Variants in MEF2D observed in about 807,000 individuals in gnomAD.
The protein encoded by MEF2D is myocyte enhancer factor 2D, also known as myocyte-specific enhancer factor 2D.
A neutral mutation model predicts 59.3 loss-of-function variants in MEF2D; 10 were observed. The ratio of observed to expected loss-of-function variants is 0.17; its 90% confidence interval spans 0.10 to 0.29. The LOEUF is 0.29. Ranked by LOEUF, MEF2D falls within the 10% of genes least tolerant of loss-of-function variation. The pLI, the probability that MEF2D is intolerant of heterozygous loss-of-function variation, is 1.00. For synonymous variants in MEF2D, 305 were observed against 295.0 expected (o/e 1.03, Z -0.35); for missense variants, 508 against 699.4 (o/e 0.73, Z 3.09).
rs1672096975 is a variant in MEF2D, at chr1:156,482,643, G to A, written c.55-3C>T. 1.2e-6 allele frequency: 2 copies of A among 1,614,218 alleles called. No homozygotes were observed. Among genetic ancestry groups the A allele is most frequent in the Admixed American group, 1.7e-5 (1 of 60,038 alleles). ...AACTTCCGCTTGGTGAAAGTCACCTGCAGAGAAGGATGGGTGGGCGGCCAG... is the reference window on the plus strand; with the variant it reads ...AACTTCCGCTTGGTGAAAGTCACCTACAGAGAAGGATGGGTGGGCGGCCAG... On this transcript the variant is annotated splice_polypyrimidine_tract_variant and splice_region_variant and intron_variant, in intron 2 of 11. Coordinates refer to ENST00000348159, the MANE Select transcript of MEF2D (RefSeq NM_005920.4).
chr1:156,482,663 G>A (rs764148671), intron 2 of MEF2D, 23 bp from the exon 3 acceptor site: 39 of 1,612,214 alleles, frequency 2.4e-5, no homozygotes, highest in Middle Eastern at 1.6e-4. Context: ...ATGGGTGGGC[G>A]GCCAGATCTG....
At chr1:156,480,410 C>T (rs1352071520) in intron 4 of MEF2D, among the ~76,000 whole-genome samples, 2 of 152,184 alleles carry the variant, frequency 1.3e-5, no homozygotes, top group Non-Finnish European at 2.9e-5. Context: ...CTCATGTCAT[C>T]TACACACTTC....
At chr1:156,472,824 C>T (rs1671318842) in intron 9 of MEF2D, among the ~76,000 whole-genome samples, 1 of 152,190 alleles carries the variant, frequency 6.6e-6, no homozygotes, top group Admixed American at 6.5e-5. Flanking sequence ...ATTCTCCTGC[C>T]TCAGCCTCCC....
In MEF2D at chr1:156,465,731, C is replaced by T. The variant is rs1188962540; in HGVS notation, c.*1914G>A. 1 of 152,160 alleles carries T rather than the reference C, an allele frequency of 6.6e-6. No homozygotes were observed. Among genetic ancestry groups the T allele is most frequent in the East Asian group, 1.9e-4 (1 of 5,198 alleles). The allele number at this position is 152,160 out of a possible 1,614,324, so 9.4% of individuals were successfully genotyped here. On this transcript the variant is annotated 3_prime_UTR_variant, in exon 12 of 12. Coordinates refer to ENST00000348159, the MANE Select transcript of MEF2D (RefSeq NM_005920.4). ...AAAGCTACACTCAGACACATAAACACCAGATGCCCTCATGAACACACTCAG... is the reference window on the plus strand; with the variant it reads ...AAAGCTACACTCAGACACATAAACATCAGATGCCCTCATGAACACACTCAG...
chr1:156,476,572 C>T (rs1006378852), intron 7 of MEF2D, 58 bp from the exon 8 acceptor site: 1 of 1,588,026 alleles, frequency 6.3e-7, no homozygotes, highest in African/African-American at 1.3e-5. Context: ...CCCTCCCCCA[C>T]ACCTCTGTCC....
At chr1:156,496,780 T>G (rs1391197237) in intron 1 of MEF2D, among the ~76,000 whole-genome samples, 1 of 152,222 alleles carries the variant, frequency 6.6e-6, no homozygotes, top group African/African-American at 2.4e-5. Context: ...CTAAATGCTG[T>G]GGACTGCATT....
intron 1 of MEF2D, among the ~76,000 whole-genome samples, chr1:156,488,177 G>A (rs1232002196): frequency 2.0e-5 from 3 of 152,258 alleles, no homozygotes; most frequent in Admixed American, 1.3e-4. Flanking sequence ...TGGGTGGCAG[G>A]GGGTTGGGAC....
intron 1 of MEF2D, among the ~76,000 whole-genome samples, chr1:156,491,730 G>A (rs1281838493): frequency 3.9e-5 from 6 of 152,184 alleles, no homozygotes; most frequent in Non-Finnish European, 1.5e-5. Flanking sequence ...CAAGCCTAAG[G>A]CTGTCTTCAT....
chr1:156,494,710 C>G (rs1378624234), intron 1 of MEF2D, among the ~76,000 whole-genome samples: 1 of 152,238 alleles, frequency 6.6e-6, no homozygotes, highest in Non-Finnish European at 1.5e-5. Context: ...GGCGGAAACT[C>G]CTTCCCTTCC....
chr1:156,496,373 G>A (rs562099255), intron 1 of MEF2D, among the ~76,000 whole-genome samples: 18 of 152,290 alleles, frequency 1.2e-4, no homozygotes, highest in African/African-American at 4.3e-4. Context: ...GGGCCCAAGA[G>A]GAGGGACCCG....
At chr1:156,490,194 C>T (rs978615765) in intron 1 of MEF2D, among the ~76,000 whole-genome samples, 5 of 152,246 alleles carry the variant, frequency 3.3e-5, no homozygotes, top group South Asian at 4.1e-4. Flanking sequence ...ACCCCTCCTG[C>T]GAGGCCTGCT....
At chr1:156,497,312 T>A (rs895128307) in intron 1 of MEF2D, among the ~76,000 whole-genome samples, 1 of 152,238 alleles carries the variant, frequency 6.6e-6, no homozygotes, top group Non-Finnish European at 1.5e-5. Flanking sequence ...ACAGTGATGC[T>A]GAGGTTGTGC....
chr1:156,476,653 T>C, intron 7 of MEF2D, 139 bp from the exon 8 acceptor site: 1 of 1,026,190 alleles, frequency 9.7e-7, no homozygotes, highest in Non-Finnish European at 1.5e-6. Flanking sequence ...GGCAGAGCTC[T>C]CCACCGTCCT....
chr1:156,483,568 T>A, intron 1 of MEF2D, 138 bp from the exon 2 acceptor site: 1 of 554,442 alleles, frequency 1.8e-6, no homozygotes, highest in Non-Finnish European at 3.2e-6. Flanking sequence ...GAGGCAATGC[T>A]GTCTGCCTGA....
Position 156,475,139 on chromosome 1 carries a change from G to C in MEF2D, c.975C>G (p.Pro325=), listed in dbSNP as rs372634988. 1 of 1,614,104 alleles carries C rather than the reference G, an allele frequency of 6.2e-7. No individual in the cohort carries two copies. The highest frequency in any genetic ancestry group is 8.5e-7 in the Non-Finnish European group (1 of 1,180,032). Residue 325 remains proline, a synonymous_variant, in exon 9 of 12, where the codon CCC becomes CCG. Transcript: ENST00000348159. ...TGTAGGCAGTGGGCATGGAAGAGAA[G>C]GGGAGGCCCTGGCTGAGTAAACTCG... The part of the protein sequence containing the change: ...ATPSLLSQGL[P]FSSMPTAYNT...
chr1:156,483,114 C>G, intron 2 of MEF2D, 125 bp downstream of exon 2: 2 of 1,010,818 alleles, frequency 2.0e-6, no homozygotes, highest in Non-Finnish European at 3.1e-6. Flanking sequence ...AATCTCCCTT[C>G]CCCTTCTGTA....
At position 156,468,006 on chromosome 1, in the gene MEF2D, C is replaced by T; in HGVS notation, c.1541G>A (p.Arg514Gln). The T allele has an allele frequency of 1.9e-6, 3 of 1,612,542 alleles. No homozygotes were observed. Among genetic ancestry groups the T allele is most frequent in the Non-Finnish European group, 8.5e-7 (1 of 1,179,540 alleles). ...EAEGSAVKRM[R>Q]LDTWTLK ...ATGCTACAGTACCCAGGTATCAAGCCGCATCCTCTTCACAGCTGAGCCCTC... is the reference window on the plus strand; with the variant it reads ...ATGCTACAGTACCCAGGTATCAAGCTGCATCCTCTTCACAGCTGAGCCCTC... Residue 514 changes from arginine to glutamine, a missense_variant, in exon 11 of 12, where the codon CGG becomes CAG. Arg to Gln is a conservative substitution (Grantham distance 43). Around this residue, in one of 2 missense-constraint regions of MEF2D, gnomAD observed 481 missense variants for 584.7 expected, o/e 0.82. Coordinates refer to ENST00000348159, the MANE Select transcript of MEF2D (RefSeq NM_005920.4). This position sits in a 1 kb window ranked among gnomAD's most constrained non-coding sequence, Gnocchi z 4.3.
At chr1:156,479,534 T>G (rs1671843552) in intron 5 of MEF2D, 52 bp downstream of exon 5, 1 of 1,540,004 alleles carries the variant, frequency 6.5e-7, no homozygotes, top group African/African-American at 1.4e-5. Context: ...AATCCCAAAG[T>G]CCCCATCACA....
intron 9 of MEF2D, among the ~76,000 whole-genome samples, chr1:156,473,370 T>G (rs1671365870): frequency 6.6e-6 from 1 of 152,192 alleles, no homozygotes; most frequent in Admixed American, 6.5e-5. Flanking sequence ...TTATTTGCAC[T>G]GGTGGCTGGT....
Sources: allele counts gnomAD v4.1 joint callset (sites outside exome capture counted in the v4.1 genomes callset), GRCh38; gene constraint gnomAD v4.1.1; regional missense constraint gnomAD v4.1.1; non-coding constraint Gnocchi (gnomAD v3.1); transcripts MANE v1.5; gene names NCBI Gene and HGNC (gene_info 2026-07-23, HGNC 2026-07-21).